The following TMEM131 variants were observed in gnomAD, a reference collection of about 807,000 sequenced individuals.
TMEM131 encodes transmembrane protein 131, also known as 2610524E03Rik.
TMEM131 carries 66 observed loss-of-function variants against 211.6 expected under a neutral mutation model. That is an observed-to-expected ratio of 0.31 (90% CI 0.26 to 0.38). The LOEUF is 0.38. Among genes scored for constraint, TMEM131 ranks in the 10% least tolerant of loss-of-function variants. The pLI is 1.00. For missense variants in TMEM131, 2,036 were observed against 2,299.3 expected (o/e 0.89, Z 2.34); for synonymous variants, 844 against 841.3 (o/e 1.00, Z -0.06).
Position 97,797,470 on chromosome 2 carries a change from C to T in TMEM131, c.2765G>A (p.Arg922Gln), listed in dbSNP as rs777798913. 63 of 1,613,370 alleles carry T rather than the reference C, an allele frequency of 3.9e-5. No homozygotes were observed. In the Admixed American group the frequency reaches 5.7e-4, roughly 15 times the overall value. ...SSTGFMEGLS[R>Q]HLILNLILKP... The stretch of plus-strand genomic sequence containing the variant: ...TAAAATTAGGTTTAAAATTAAATGT[C>T]GAGAGAGGCCCTCCATAAATCCTGT... Residue 922 changes from arginine to glutamine, a missense_variant, in exon 26 of 41, where the codon CGA (arginine) becomes CAA (glutamine). Physicochemically the swap from Arg to Gln is conservative, Grantham distance 43. Coordinates refer to ENST00000186436, the MANE Select transcript of TMEM131 (RefSeq NM_015348.2).
chr2:97,967,982 T>C (rs17025147), intron 1 of TMEM131, among the ~76,000 whole-genome samples: 6,177 of 151,882 alleles, frequency 0.041, 219 homozygotes, highest in African/African-American at 0.094. Flanking sequence ...AAGGCTATAA[T>C]GTCTTACTGC....
At position 97,928,739 on chromosome 2, in the gene TMEM131, A is replaced by G. The variant is rs181218019; in HGVS notation, c.188-1252T>C. On this transcript the variant is annotated intron_variant, in intron 1 of 40. Transcript: ENST00000186436. ...CATTCTGATGCCACTATACATGTACACTGAAATCGAACAATTAAGTACACA... is the reference window on the plus strand; with the variant it reads ...CATTCTGATGCCACTATACATGTACGCTGAAATCGAACAATTAAGTACACA... Among the ~76,000 whole-genome samples, 17 of 151,888 alleles carry G rather than the reference A, an allele frequency of 1.1e-4. No homozygotes were observed. In the East Asian group the frequency reaches 3.3e-3, roughly 29 times the overall value.
chr2:97,759,778 C>A (rs1678722513), intron 38 of TMEM131, 29 bp from the exon 39 acceptor site: 1 of 1,554,826 alleles, frequency 6.4e-7, no homozygotes, highest in Admixed American at 1.8e-5. Context: ...AAACGCAACA[C>A]ACAAAAATGT....
intron 2 of TMEM131, among the ~76,000 whole-genome samples, chr2:97,918,738 T>C (rs184423104): frequency 4.9e-4 from 74 of 152,338 alleles, no homozygotes; most frequent in African/African-American, 1.5e-3. Flanking sequence ...AAAAGGCATT[T>C]CTGAAGCAGT....
chr2:97,911,290 T>C (rs112337553), intron 2 of TMEM131, among the ~76,000 whole-genome samples: 2 of 152,232 alleles, frequency 1.3e-5, no homozygotes, highest in African/African-American at 4.8e-5. Context: ...TGCCTAAAGA[T>C]AAGGAGCGTA....
intron 1 of TMEM131, among the ~76,000 whole-genome samples, chr2:97,934,235 A>G (rs1302447061): frequency 6.6e-6 from 1 of 152,192 alleles, no homozygotes; most frequent in Non-Finnish European, 1.5e-5. Flanking sequence ...ATGAATATGC[A>G]AAAATCAACA....
intron 11 of TMEM131, among the ~76,000 whole-genome samples, chr2:97,821,982 G>A (rs558533784): frequency 6.6e-6 from 1 of 152,296 alleles, no homozygotes; most frequent in African/African-American, 2.4e-5. Flanking sequence ...CTGTGGCCAT[G>A]AGCGGAATTC....
chr2:97,883,176 C>A (rs112221615), intron 4 of TMEM131, among the ~76,000 whole-genome samples: 1 of 152,116 alleles, frequency 6.6e-6, no homozygotes, highest in Non-Finnish European at 1.5e-5. Flanking sequence ...TAAAGCTCCA[C>A]CTCTGAACAC....
chr2:97,892,685 T>A (rs1011620810), intron 3 of TMEM131, among the ~76,000 whole-genome samples: 2 of 152,180 alleles, frequency 1.3e-5, no homozygotes, highest in Non-Finnish European at 2.9e-5. Context: ...TTATGGTATG[T>A]GTTTTTGGTA....
chr2:97,841,189 C>T (rs988530731), intron 7 of TMEM131, among the ~76,000 whole-genome samples: 1 of 152,094 alleles, frequency 6.6e-6, no homozygotes, highest in Admixed American at 6.5e-5. Context: ...CAGCTAAGTC[C>T]CTAGGATGTA....
Position 97,762,137 on chromosome 2 carries a change from C to G in TMEM131, c.4787G>C (p.Arg1596Pro). 1 of 1,613,654 alleles carries G rather than the reference C, an allele frequency of 6.2e-7. No individual in the cohort carries two copies. The highest frequency in any genetic ancestry group is 8.5e-7 in the Non-Finnish European group (1 of 1,179,754). The change falls in exon 36 of 41, where the codon CGC becomes CCC. Residue 1596 changes from arginine to proline, a missense_variant. By Grantham distance (103) the Arg-to-Pro change is moderately radical (BLOSUM62 -2). Coordinates refer to ENST00000186436, the MANE Select transcript of TMEM131 (RefSeq NM_015348.2). ...TLNADIFLKQ[R>P]QTSPTPASPS... ...GGAAGCAGGTGTCGGTGAGGTCTGG[C>G]GTTGTTTTAAGAAAATGTCTGCGTT...
chr2:97,887,406 G>A (rs1009382039), intron 4 of TMEM131, among the ~76,000 whole-genome samples: 1 of 152,246 alleles, frequency 6.6e-6, no homozygotes, highest in African/African-American at 2.4e-5. Context: ...TTCAGGTGCA[G>A]GGCCATTGGG....
At chr2:97,859,170 G>T in intron 5 of TMEM131, 134 bp downstream of exon 5, 1 of 936,554 alleles carries the variant, frequency 1.1e-6, no homozygotes. Context: ...ATCATTCTTA[G>T]GAAGTGAAAC....
At chr2:97,791,533 T>C (rs186549079) in intron 31 of TMEM131, among the ~76,000 whole-genome samples, 33 of 152,284 alleles carry the variant, frequency 2.2e-4, no homozygotes, top group East Asian at 1.9e-3. Flanking sequence ...CAACAGTCCG[T>C]GAAGAACTGA....
chr2:97,960,693 C>T (rs1678776324), intron 1 of TMEM131, among the ~76,000 whole-genome samples: 2 of 151,972 alleles, frequency 1.3e-5, no homozygotes, highest in African/African-American at 2.4e-5. Flanking sequence ...TTGATGAGAC[C>T]AGCATTAATC....
intron 4 of TMEM131, among the ~76,000 whole-genome samples, chr2:97,868,882 G>T (rs1411778601): frequency 1.3e-5 from 2 of 152,142 alleles, no homozygotes; most frequent in African/African-American, 4.8e-5. Flanking sequence ...ATCAATCCCA[G>T]GTGGGGTTAC....
intron 1 of TMEM131, among the ~76,000 whole-genome samples, chr2:97,979,651 G>T (rs1679699380): frequency 1.6e-5 from 1 of 62,106 alleles, no homozygotes; most frequent in African/African-American, 1.0e-4. Flanking sequence ...GAGAAGAGAG[G>T]GGCCTTGCTC....
chr2:97,815,378 T>C (rs1000538523), intron 12 of TMEM131, 71 bp from the exon 13 acceptor site: 1 of 1,009,438 alleles, frequency 9.9e-7, no homozygotes, highest in African/African-American at 1.7e-5. Context: ...TTTATGTAAA[T>C]TGACAAAATC....
At chr2:97,874,635 G>A (rs1674618827) in intron 4 of TMEM131, among the ~76,000 whole-genome samples, 1 of 152,192 alleles carries the variant, frequency 6.6e-6, no homozygotes, top group Non-Finnish European at 1.5e-5. Flanking sequence ...AGCTTCATAA[G>A]TGAAGGAGAA....
Sources: allele counts gnomAD v4.1 joint callset (sites outside exome capture counted in the v4.1 genomes callset), GRCh38; gene constraint gnomAD v4.1.1; transcripts MANE v1.5; gene names NCBI Gene and HGNC (gene_info 2026-07-23, HGNC 2026-07-21).